The following EYS variants were observed in gnomAD, a reference collection of about 807,000 sequenced individuals.
The protein encoded by EYS is EGF-like photoreceptor maintenance factor.
In EYS, 250 loss-of-function variants were observed where a neutral mutation model predicts 282.1. That is an observed-to-expected ratio of 0.89 (90% CI 0.80 to 0.98). The LOEUF is 0.98. Among genes scored for constraint, EYS ranks in the 50% least tolerant of loss-of-function variants. The probability of loss-of-function intolerance (pLI) is 0.00; values close to 1 mark genes in which losing one functional copy is unlikely to be tolerated. For missense variants in EYS, 4,016 were observed against 3,709.0 expected, an observed-to-expected ratio of 1.08 and a Z score of -2.15; for synonymous variants, 1,355 against 1,282.9, an observed-to-expected ratio of 1.06 and a Z score of -1.20.
Position 65,223,382 on chromosome 6 carries a change from G to C in EYS, c.2023+72481C>G, listed in dbSNP as rs560182708. On this transcript the variant is annotated intron_variant, in intron 12 of 42. Coordinates refer to ENST00000503581, the MANE Select transcript of EYS (RefSeq NM_001142800.2). ...ACTCCATCTCCAATAACAACAACAAGAACAAGAACAACAACAACAGAAACT... is the reference window on the plus strand; with the variant it reads ...ACTCCATCTCCAATAACAACAACAACAACAAGAACAACAACAACAGAAACT... Among the ~76,000 whole-genome samples, 250 of 151,962 alleles carry C rather than the reference G, an allele frequency of 1.6e-3. 2 individuals carry two copies. The highest frequency in any genetic ancestry group is 5.6e-3 in the African/African-American group (230 of 41,440).
At chr6:64,141,813 G>A (rs1289522029) in intron 31 of EYS, among the ~76,000 whole-genome samples, 3 of 152,094 alleles carry the variant, frequency 2.0e-5, no homozygotes, top group Non-Finnish European at 4.4e-5. Context: ...TGACTGTATA[G>A]TGGTGTTTTA....
chr6:64,340,581 T>A (rs1771064961), intron 29 of EYS, among the ~76,000 whole-genome samples: 1 of 151,780 alleles, frequency 6.6e-6, no homozygotes, highest in Non-Finnish European at 1.5e-5. Context: ...CAAAATGGAT[T>A]AAAGATTTAA....
intron 11 of EYS, among the ~76,000 whole-genome samples, chr6:65,318,678 A>T (rs1236846932): frequency 1.3e-5 from 2 of 149,998 alleles, no homozygotes; most frequent in Non-Finnish European, 1.5e-5. Flanking sequence ...GTCTCATTCC[A>T]TCACCCAGGC....
intron 8 of EYS, among the ~76,000 whole-genome samples, chr6:65,369,510 G>C (rs1314298738): frequency 6.6e-6 from 1 of 150,950 alleles, no homozygotes; most frequent in Non-Finnish European, 1.5e-5. Context: ...ATTATGGTCT[G>C]CTAGTCTGAA....
intron 22 of EYS, among the ~76,000 whole-genome samples, chr6:64,746,307 G>T (rs969349310): frequency 2.6e-5 from 4 of 151,862 alleles, no homozygotes; most frequent in Admixed American, 6.6e-5. Flanking sequence ...TCAAGAATGA[G>T]TTCCTTATGA....
chr6:64,370,196 C>T (rs1772317016), intron 29 of EYS, among the ~76,000 whole-genome samples: 1 of 151,928 alleles, frequency 6.6e-6, no homozygotes, highest in Admixed American at 6.6e-5. Context: ...GAAGTATTGT[C>T]CTTCAAATGC....
intron 8 of EYS, among the ~76,000 whole-genome samples, chr6:65,383,649 C>A (rs1765698685): frequency 6.6e-6 from 1 of 151,054 alleles, no homozygotes; most frequent in Non-Finnish European, 1.5e-5. Context: ...TGATTTCATT[C>A]TCCCATCTAC....
At chr6:65,163,211 A>G (rs114267216) in intron 12 of EYS, among the ~76,000 whole-genome samples, 2,377 of 151,296 alleles carry the variant, frequency 0.016, 57 homozygotes, top group African/African-American at 0.055. Context: ...AACTACTTTT[A>G]TTCTCTCCTA....
chr6:64,284,446 C>A (rs1407258155), intron 30 of EYS, among the ~76,000 whole-genome samples: 1 of 152,128 alleles, frequency 6.6e-6, no homozygotes, highest in African/African-American at 2.4e-5. Flanking sequence ...GCCTCCCTCC[C>A]AGTTGCTTTC....
chr6:63,789,066 A>C lies in EYS; in HGVS notation c.7570T>G (p.Trp2524Gly). The C allele has an allele frequency of 6.4e-7, 1 of 1,551,510 alleles. No individual in the cohort carries two copies. The highest frequency in any genetic ancestry group is 8.7e-7 in the Non-Finnish European group (1 of 1,146,846). Residue 2524 changes from tryptophan (W) to glycine (G), a missense_variant, in exon 38 of 43, where the codon TGG becomes GGG. Coordinates refer to ENST00000503581, the MANE Select transcript of EYS (RefSeq NM_001142800.2). ...VHLGKFFQEG[W>G]LKVDDHKNKS... is the part of the protein sequence containing the mutation. The stretch of plus-strand genomic sequence containing the variant: ...AAGGAATGACTCTTTACCTTCAGCC[A>C]GCCCTCTTGGAAGAACTTGCCCAGA...
intron 37 of EYS, among the ~76,000 whole-genome samples, chr6:63,794,361 G>T (rs943106418): frequency 6.6e-6 from 1 of 152,196 alleles, no homozygotes; most frequent in Non-Finnish European, 1.5e-5. Flanking sequence ...GGGAACAGAA[G>T]TAGTACAATT....
chr6:65,525,055 ATT>A (rs35986893), intron 2 of EYS, among the ~76,000 whole-genome samples: 1 of 146,300 alleles, frequency 6.8e-6, no homozygotes, highest in African/African-American at 2.5e-5. Flanking sequence ...TTCTAAACTG[ATT>A]TTTTTTTTTT....
intron 35 of EYS, among the ~76,000 whole-genome samples, chr6:63,883,997 CTTA>C (rs1226417421): frequency 6.6e-6 from 1 of 152,110 alleles, no homozygotes; most frequent in Admixed American, 6.6e-5. Flanking sequence ...TGCGTATTTT[CTTA>C]TTAACTTATT....
chr6:64,699,085 T>C (rs1024784853), intron 22 of EYS, among the ~76,000 whole-genome samples: 2 of 152,106 alleles, frequency 1.3e-5, no homozygotes, highest in Non-Finnish European at 2.9e-5. Flanking sequence ...TGCCCATCAA[T>C]GACAGATCGG....
chr6:65,189,153 A>G (rs181542064), intron 12 of EYS, among the ~76,000 whole-genome samples: 2 of 151,738 alleles, frequency 1.3e-5, no homozygotes, highest in Non-Finnish European at 1.5e-5. Flanking sequence ...AAATTTTTTA[A>G]AGTATAATTT....
At chr6:65,505,686 T>C (rs1046877124) in intron 2 of EYS, among the ~76,000 whole-genome samples, 2 of 152,170 alleles carry the variant, frequency 1.3e-5, no homozygotes, top group Admixed American at 6.6e-5. Flanking sequence ...AAATTTCAAA[T>C]AATTTGACAT....
chr6:63,819,400 A>T (rs1411624024), intron 36 of EYS, among the ~76,000 whole-genome samples: 3 of 152,216 alleles, frequency 2.0e-5, no homozygotes, highest in Non-Finnish European at 4.4e-5. Flanking sequence ...GCTCAGAGTC[A>T]CAGAGAGAGG....
intron 24 of EYS, among the ~76,000 whole-genome samples, chr6:64,608,672 G>A (rs1357742060): frequency 6.6e-6 from 1 of 152,096 alleles, no homozygotes; most frequent in African/African-American, 2.4e-5. Context: ...AAAAACTTTA[G>A]TAGGTTGAAC....
At chr6:65,344,255 C>T (rs1361879022) in intron 9 of EYS, 78 bp from the exon 10 acceptor site, 3 of 1,175,512 alleles carry the variant, frequency 2.6e-6, no homozygotes, top group Non-Finnish European at 3.7e-6. Context: ...GGACTGTGGT[C>T]AAATTACTTG....
Sources: gnomAD v4.1 joint callset for allele counts (sites outside exome capture counted in the v4.1 genomes callset) on GRCh38, gnomAD v4.1.1 for gene constraint, MANE v1.5 for transcripts, NCBI Gene and HGNC (gene_info 2026-07-23, HGNC 2026-07-21) for gene names.